SGCD: variants seen among roughly 807,000 people sequenced by gnomAD.
SGCD encodes delta-sarcoglycan.
Under a neutral mutation model 36.6 loss-of-function variants are expected in SGCD, and 18 were observed. That is an observed-to-expected ratio of 0.49 (90% CI 0.34 to 0.73). The LOEUF (loss-of-function observed/expected upper bound fraction) is 0.73, where lower values mean the gene tolerates loss of function less well. Ranked by LOEUF, SGCD falls within the 30% of genes least tolerant of loss-of-function variation. The probability of loss-of-function intolerance (pLI) is 0.01; values close to 1 mark genes in which losing one functional copy is unlikely to be tolerated. For synonymous variants in SGCD, 133 were observed against 130.6 expected, an observed-to-expected ratio of 1.02 and a Z score of -0.12; for missense variants, 387 against 346.7, an observed-to-expected ratio of 1.12 and a Z score of -0.92.
chr5:155,814,495 C>G, the SGCD span, among the ~76,000 whole-genome samples: 3 of 152,264 alleles, frequency 2.0e-5, no homozygotes, highest in African/African-American at 4.8e-5. Context: ...GTTCCAGACT[C>G]TAAGCTTCAT....
chr5:155,850,398 TAGAGACAGAGAGAC>T, the SGCD span, among the ~76,000 whole-genome samples: 1 of 151,486 alleles, frequency 6.6e-6, no homozygotes, highest in African/African-American at 2.4e-5. Flanking sequence ...GACCTCAAAA[TAGAGACAGAGAGAC>T]AGAGACAGAG....
intron 3 of SGCD, among the ~76,000 whole-genome samples, chr5:156,450,900 T>G (rs1038389223): frequency 6.6e-6 from 1 of 152,048 alleles, no homozygotes; most frequent in Admixed American, 6.6e-5. Flanking sequence ...ATAGAAAATT[T>G]CAAAAAAAAG....
chr5:156,558,088 A>AATGTGTATATATAT (rs1330398244), intron 4 of SGCD, among the ~76,000 whole-genome samples: 4 of 95,592 alleles, frequency 4.2e-5, no homozygotes, highest in African/African-American at 1.2e-4. Flanking sequence ...AGTAAATACA[A>AATGTGTATATATAT]ATATATATAT....
intron 3 of SGCD, among the ~76,000 whole-genome samples, chr5:156,146,884 T>G (rs1194157791): frequency 6.6e-6 from 1 of 152,180 alleles, no homozygotes; most frequent in Non-Finnish European, 1.5e-5. Flanking sequence ...GTGTAATATT[T>G]TGGGGAAAAT....
intron 1 of SGCD, among the ~76,000 whole-genome samples, chr5:156,111,753 T>C (rs751648554): frequency 7.9e-5 from 12 of 151,896 alleles, no homozygotes; most frequent in Admixed American, 3.3e-4. Context: ...CTTAGTTTCA[T>C]TTGTTAAAAG....
intron 6 of SGCD, among the ~76,000 whole-genome samples, chr5:156,607,132 A>C (rs531917298): frequency 7.3e-4 from 111 of 152,306 alleles, no homozygotes; most frequent in Middle Eastern, 6.8e-3. Context: ...CCAGTTTTCA[A>C]AGGGAATGCT....
the SGCD span, among the ~76,000 whole-genome samples, chr5:155,789,953 G>T: frequency 2.0e-5 from 3 of 151,934 alleles, no homozygotes; most frequent in Admixed American, 2.0e-4. Context: ...TCTTTTTCAT[G>T]TTAGCTGGAG....
At chr5:155,728,225 G>A in the SGCD span, among the ~76,000 whole-genome samples, 1 of 152,016 alleles carries the variant, frequency 6.6e-6, no homozygotes. Context: ...CCGCCAGCCG[G>A]AGCGCGCACA....
chr5:155,966,684 A>C (rs953975168), intron 1 of SGCD, among the ~76,000 whole-genome samples: 3 of 152,082 alleles, frequency 2.0e-5, no homozygotes, highest in African/African-American at 7.2e-5. Context: ...TCTAAAATGG[A>C]AGTGATAATA....
At chr5:156,003,325 A>G (rs1758698785) in intron 1 of SGCD, among the ~76,000 whole-genome samples, 1 of 152,244 alleles carries the variant, frequency 6.6e-6, no homozygotes, top group Non-Finnish European at 1.5e-5. Flanking sequence ...CTGGCACAAG[A>G]TAAAAGCTAG....
the SGCD span, among the ~76,000 whole-genome samples, chr5:155,857,367 A>G: frequency 6.6e-6 from 1 of 152,228 alleles, no homozygotes; most frequent in South Asian, 2.1e-4. Context: ...TTTGCTATGG[A>G]CAAAATTGGA....
chr5:156,180,829 A>G (rs1313562059), intron 3 of SGCD, among the ~76,000 whole-genome samples: 1 of 139,498 alleles, frequency 7.2e-6, no homozygotes, highest in Non-Finnish European at 1.6e-5. Flanking sequence ...TGGGTGGGAC[A>G]AGTTAAGGGG....
chr5:156,115,790 C>T (rs192602294), intron 1 of SGCD, among the ~76,000 whole-genome samples: 2 of 152,194 alleles, frequency 1.3e-5, no homozygotes, highest in Admixed American at 6.6e-5. Context: ...CAGACAGTCT[C>T]ACAGTCTGGA....
chr5:156,507,864 T>A (rs1756768974), intron 3 of SGCD, among the ~76,000 whole-genome samples: 1 of 152,152 alleles, frequency 6.6e-6, no homozygotes, highest in African/African-American at 2.4e-5. Flanking sequence ...AAGCAAATTA[T>A]AGAGAGAAAA....
chr5:155,957,056 T>C (rs1757676317), intron 1 of SGCD, among the ~76,000 whole-genome samples: 1 of 151,972 alleles, frequency 6.6e-6, no homozygotes, highest in Non-Finnish European at 1.5e-5. Flanking sequence ...CAGAGGGTGA[T>C]AGGAGTGCAG....
intron 1 of SGCD, among the ~76,000 whole-genome samples, chr5:155,903,903 G>A (rs1174476055): frequency 6.6e-6 from 1 of 152,140 alleles, no homozygotes. Context: ...GCTTTGGGGA[G>A]GACAAACTCC....
rs867977731 is a variant in SGCD, at chr5:156,055,172, A to T, written c.-281-62706A>T. ...TATTTTTTTTTTTCCCCATAGAAGA[A>T]TTCAGCCCTGAGGCTACTCCTTTTT... On this transcript the variant is annotated intron_variant, in intron 1 of 9. Coordinates refer to the SGCD transcript ENST00000517913. Among the ~76,000 whole-genome samples the T allele has an allele frequency of 6.2e-5, 9 of 145,572 alleles. 2 individuals carry two copies. The highest frequency in any genetic ancestry group is 3.6e-3 in the Middle Eastern group (1 of 274).
chr5:155,734,120 T>A, the SGCD span, among the ~76,000 whole-genome samples: 5 of 147,620 alleles, frequency 3.4e-5, no homozygotes, highest in Admixed American at 3.4e-4. Context: ...TTAATTAATA[T>A]TGTTACTGAT....
chr5:156,498,648 A>G (rs1319536172), intron 3 of SGCD, among the ~76,000 whole-genome samples: 1 of 152,128 alleles, frequency 6.6e-6, no homozygotes, highest in Non-Finnish European at 1.5e-5. Flanking sequence ...GATATAGAAT[A>G]TTTTACTTAT....
Sources: allele counts gnomAD v4.1 joint callset (sites outside exome capture counted in the v4.1 genomes callset), GRCh38; gene constraint gnomAD v4.1.1; transcripts MANE v1.5; gene names NCBI Gene and HGNC (gene_info 2026-07-23, HGNC 2026-07-21).